DESI2: variants seen among roughly 807,000 people sequenced by gnomAD.
DESI2 encodes deubiquitinase DESI2.
In DESI2, 10 loss-of-function variants were observed where a neutral mutation model predicts 24.1. That is an observed-to-expected ratio of 0.41 (90% CI 0.26 to 0.70). The LOEUF (loss-of-function observed/expected upper bound fraction) is 0.70. Among genes scored for constraint, DESI2 ranks in the 30% least tolerant of loss-of-function variants. The pLI is 0.29. For missense variants in DESI2, 122 were observed against 234.9 expected (o/e 0.52, Z 3.14); for synonymous variants, 71 against 87.7 (o/e 0.81, Z 1.06).
chr1:244,694,584 T>C (rs368494128), intron 4 of DESI2: 20 of 827,058 alleles, frequency 2.4e-5, no homozygotes, highest in Middle Eastern at 3.5e-4. Flanking sequence ...ACTGCCGTTA[T>C]ACTTTCTCTT....
At chr1:244,693,912 TA>T (rs1205578527) in intron 4 of DESI2, among the ~76,000 whole-genome samples, 6 of 152,232 alleles carry the variant, frequency 3.9e-5, no homozygotes, top group Admixed American at 3.9e-4. Flanking sequence ...TTGTGAAATG[TA>T]AAAGCTACCT....
In DESI2 at chr1:244,655,483, A is replaced by G. The variant is rs1005219895; in HGVS notation, c.42+2128A>G. Among the ~76,000 whole-genome samples, 18 of 152,334 alleles carry G rather than the reference A, an allele frequency of 1.2e-4. No homozygotes were observed. In the East Asian group the frequency reaches 3.5e-3, roughly 29 times the overall value. On this transcript the variant is annotated intron_variant, in intron 1 of 4. Coordinates refer to ENST00000302550, the MANE Select transcript of DESI2 (RefSeq NM_016076.5). ...AGTGTTTTATGTCACTAATTCAGCA[A>G]CCTACCATTACTTATTATTTTTGAC...
At chr1:244,705,511 A>C in intron 4 of DESI2, 45 bp from the exon 5 acceptor site, 2 of 1,564,726 alleles carry the variant, frequency 1.3e-6, no homozygotes, top group Non-Finnish European at 1.8e-6. Context: ...GGACCAGGTA[A>C]TCTTAACCTC....
At chr1:244,667,412 T>A (rs2813901) in intron 1 of DESI2, among the ~76,000 whole-genome samples, 147,472 of 152,308 alleles carry the variant, frequency 0.97, 71,569 homozygotes, top group East Asian at 1. Context: ...CTGCAAAATG[T>A]TCTCCTTTGA....
chr1:244,663,317 C>G (rs1421966490), intron 1 of DESI2, among the ~76,000 whole-genome samples: 1 of 151,972 alleles, frequency 6.6e-6, no homozygotes, highest in Non-Finnish European at 1.5e-5. Flanking sequence ...GCTGGGACTA[C>G]AGGCGCCTGC....
intron 1 of DESI2, among the ~76,000 whole-genome samples, chr1:244,666,800 A>G (rs750593488): frequency 8.5e-5 from 13 of 152,190 alleles, no homozygotes; most frequent in Non-Finnish European, 1.9e-4. Context: ...AAGAGGTTTA[A>G]TTGGACTTAC....
chr1:244,672,688 A>C lies in DESI2; in HGVS notation c.43-13909A>C, dbSNP rs1468411030. ...GGTCAGGAGTCCGAGACCAGCCTGG[A>C]CAACATGGTGAAACCCCATCTCTAC... On this transcript the variant is annotated intron_variant, in intron 1 of 4. Transcript: ENST00000302550. Among the ~76,000 whole-genome samples the C allele has an allele frequency of 2.0e-5, 3 of 152,010 alleles. No individual in the cohort carries two copies. The East Asian group carries it at 5.8e-4, about 29-fold the overall frequency.
intron 1 of DESI2, among the ~76,000 whole-genome samples, chr1:244,669,157 G>A (rs569815468): frequency 1.1e-4 from 16 of 151,848 alleles, no homozygotes; most frequent in South Asian, 1.0e-3. Flanking sequence ...CGCCACACCC[G>A]GCTAATTGTT....
intron 4 of DESI2, chr1:244,694,429 C>A (rs1677138000): frequency 2.7e-6 from 2 of 742,104 alleles, no homozygotes; most frequent in Admixed American, 3.5e-5. Flanking sequence ...CGTTGAAATT[C>A]TTAAGATGAA....
intron 4 of DESI2, among the ~76,000 whole-genome samples, chr1:244,698,645 A>C (rs1195887995): frequency 6.6e-6 from 1 of 152,166 alleles, no homozygotes; most frequent in Non-Finnish European, 1.5e-5. Flanking sequence ...CCTCCTACAC[A>C]CTATTTCAGT....
intron 1 of DESI2, among the ~76,000 whole-genome samples, chr1:244,662,650 T>C (rs1177750683): frequency 6.6e-6 from 1 of 152,136 alleles, no homozygotes; most frequent in Non-Finnish European, 1.5e-5. Flanking sequence ...TAATTAGTGC[T>C]AAAGAGGAAA....
intron 1 of DESI2, among the ~76,000 whole-genome samples, chr1:244,683,566 C>T (rs897156074): frequency 1.3e-5 from 2 of 152,198 alleles, no homozygotes; most frequent in African/African-American, 4.8e-5. Flanking sequence ...CCACCTCAGC[C>T]TCCCAAAGTG....
chr1:244,662,958 A>G (rs1314626154), intron 1 of DESI2, among the ~76,000 whole-genome samples: 3 of 152,206 alleles, frequency 2.0e-5, no homozygotes, highest in African/African-American at 4.8e-5. Flanking sequence ...TAGAACAAGC[A>G]GTACCACCAG....
rs574895973 is a variant in DESI2, at chr1:244,691,921, T to C, written c.252T>C (p.Asp84=). Reference sequence around the variant, plus strand: ...GGAGCACGGACTTCCTAGAAGATGATATAGAAAAAATTGTAGAAGAACTGG... The same window carrying C: ...GGAGCACGGACTTCCTAGAAGATGACATAGAAAAAATTGTAGAAGAACTGG... ...VLGSTDFLED[D]IEKIVEELGK... Residue 84 remains aspartate (D), a synonymous_variant, in exon 4 of 5, where the codon GAT becomes GAC. Transcript: ENST00000302550. 58 of 1,600,600 alleles carry C rather than the reference T, an allele frequency of 3.6e-5. No individual in the cohort carries two copies. The highest frequency in any genetic ancestry group is 4.8e-5 in the Non-Finnish European group (57 of 1,177,118).
chr1:244,660,478 A>AGAT (rs1242683147), intron 1 of DESI2, among the ~76,000 whole-genome samples: 2 of 152,170 alleles, frequency 1.3e-5, no homozygotes, highest in Non-Finnish European at 2.9e-5. Context: ...ATTTTTCTTA[A>AGAT]GATGGGATGT....
In DESI2 at chr1:244,691,896, G is replaced by A. The variant is rs1281400935; in HGVS notation, c.227G>A (p.Gly76Glu). Residue 76 changes from glycine (G) to glutamate (E), a missense_variant, in exon 4 of 5, where the codon GGG (glycine) becomes GAG (glutamate). This residue lies in a region of DESI2 where 23 missense variants were observed against 28.5 expected (regional missense o/e 0.81). Coordinates refer to ENST00000302550, the MANE Select transcript of DESI2 (RefSeq NM_016076.5). ...TCTTTAAGAGAAGCTGTTGTTTTAG[G>A]GAGCACGGACTTCCTAGAAGATGAT... The part of the protein sequence containing the change: ...TFKFKEAVVL[G>E]STDFLEDDIE... 1 of 1,570,804 alleles carries A rather than the reference G, an allele frequency of 6.4e-7. No individual in the cohort carries two copies. The highest frequency in any genetic ancestry group is 8.6e-7 in the Non-Finnish European group (1 of 1,166,800).
intron 2 of DESI2, among the ~76,000 whole-genome samples, chr1:244,687,220 G>T (rs566924693): frequency 2.0e-5 from 3 of 152,228 alleles, no homozygotes; most frequent in African/African-American, 7.2e-5. Flanking sequence ...CATGCCCTTT[G>T]TCATTAACTC....
chr1:244,663,891 G>T (rs981251372), intron 1 of DESI2, among the ~76,000 whole-genome samples: 2 of 151,958 alleles, frequency 1.3e-5, no homozygotes, highest in African/African-American at 4.8e-5. Flanking sequence ...GGTGGCGGGC[G>T]CCTGTAGTCC....
At chr1:244,672,792 G>A (rs550985820) in intron 1 of DESI2, among the ~76,000 whole-genome samples, 5 of 152,130 alleles carry the variant, frequency 3.3e-5, no homozygotes, top group South Asian at 2.1e-4. Flanking sequence ...CAGGAGAATC[G>A]CTTGAACTCG....
Sources: allele counts gnomAD v4.1 joint callset (sites outside exome capture counted in the v4.1 genomes callset), GRCh38; gene constraint gnomAD v4.1.1; regional missense constraint gnomAD v4.1.1; transcripts MANE v1.5; gene names NCBI Gene and HGNC (gene_info 2026-07-23, HGNC 2026-07-21).